The following RNF150 variants were observed in gnomAD, a reference collection of about 807,000 sequenced individuals.
RNF150 encodes the protein ring finger protein 150.
A neutral mutation model predicts 39.3 loss-of-function variants in RNF150; 24 were observed. The observed-to-expected ratio is 0.61, with a 90% CI of 0.44 to 0.86. The LOEUF is 0.86. Among genes scored for constraint, RNF150 ranks in the 40% least tolerant of loss-of-function variants. RNF150 has a pLI of 0.00. For synonymous variants in RNF150, 255 were observed against 227.3 expected (o/e 1.12, Z -1.10); for missense variants, 502 against 587.8 (o/e 0.85, Z 1.51).
intron 1 of RNF150, among the ~76,000 whole-genome samples, chr4:141,194,600 T>C (rs1170440986): frequency 6.6e-6 from 1 of 152,196 alleles, no homozygotes; most frequent in African/African-American, 2.4e-5. Context: ...CTGCAGGCTC[T>C]TTCAGGGTAG....
At chr4:141,103,061 A>C (rs1739070714) in intron 1 of RNF150, among the ~76,000 whole-genome samples, 1 of 152,174 alleles carries the variant, frequency 6.6e-6, no homozygotes, top group African/African-American at 2.4e-5. Flanking sequence ...GTGGTTTGGA[A>C]ATGAAAGCAT....
intron 1 of RNF150, among the ~76,000 whole-genome samples, chr4:141,078,605 C>T (rs1021723113): frequency 2.6e-5 from 4 of 151,058 alleles, no homozygotes; most frequent in Admixed American, 6.6e-5. Flanking sequence ...CATGGTGAAA[C>T]CCCGTCTCTA....
intron 1 of RNF150, among the ~76,000 whole-genome samples, chr4:141,041,272 C>T (rs1283307289): frequency 6.6e-6 from 1 of 152,058 alleles, no homozygotes; most frequent in Non-Finnish European, 1.5e-5. Flanking sequence ...CTTATCTAAA[C>T]AGATAAATCA....
intron 4 of RNF150, among the ~76,000 whole-genome samples, chr4:140,937,807 C>T (rs941546135): frequency 5.3e-5 from 8 of 151,552 alleles, no homozygotes; most frequent in Admixed American, 2.6e-4. Flanking sequence ...AGCAGTGAAA[C>T]CTTGAAAGTT....
chr4:140,870,271 G>T (rs1485761041), intron 6 of RNF150, among the ~76,000 whole-genome samples: 1 of 152,134 alleles, frequency 6.6e-6, no homozygotes, highest in Non-Finnish European at 1.5e-5. Flanking sequence ...ATGGTTAAAT[G>T]AAAACCCTGG....
At chr4:141,181,792 G>A (rs1274391951) in intron 1 of RNF150, among the ~76,000 whole-genome samples, 1 of 152,118 alleles carries the variant, frequency 6.6e-6, no homozygotes, top group Non-Finnish European at 1.5e-5. Context: ...ATGGTAATTG[G>A]GCATAAATGG....
chr4:141,106,748 C>T (rs1373198251), intron 1 of RNF150, among the ~76,000 whole-genome samples: 3 of 151,996 alleles, frequency 2.0e-5, no homozygotes, highest in Admixed American at 1.3e-4. Context: ...GAGCTGACAT[C>T]GTGCCATTGC....
At chr4:140,876,622 A>T (rs1178611298) in intron 6 of RNF150, among the ~76,000 whole-genome samples, 1 of 152,150 alleles carries the variant, frequency 6.6e-6, no homozygotes, top group Non-Finnish European at 1.5e-5. Context: ...TAAATATATC[A>T]CACGTCACCC....
At chr4:141,079,170 T>C (rs1738052167) in intron 1 of RNF150, among the ~76,000 whole-genome samples, 1 of 152,144 alleles carries the variant, frequency 6.6e-6, no homozygotes, top group Non-Finnish European at 1.5e-5. Context: ...GCTGCTGTGA[T>C]GCATTCTTAG....
chr4:141,112,071 ACAT>A (rs1432370808), intron 1 of RNF150, among the ~76,000 whole-genome samples: 3 of 152,176 alleles, frequency 2.0e-5, no homozygotes, highest in Non-Finnish European at 2.9e-5. Flanking sequence ...TTCTCTGAGA[ACAT>A]CATCATTTTT....
At chr4:141,066,627 T>C (rs1343980129) in intron 1 of RNF150, among the ~76,000 whole-genome samples, 4 of 152,232 alleles carry the variant, frequency 2.6e-5, no homozygotes, top group African/African-American at 4.8e-5. Flanking sequence ...AAGCTGACGA[T>C]ATTTCTACAA....
intron 1 of RNF150, among the ~76,000 whole-genome samples, chr4:141,115,885 A>G (rs1739534353): frequency 1.3e-5 from 2 of 152,208 alleles, no homozygotes; most frequent in Admixed American, 1.3e-4. Context: ...AAAACACACA[A>G]TGGGGACAGG....
intron 1 of RNF150, among the ~76,000 whole-genome samples, chr4:141,074,532 T>C (rs1737823284): frequency 6.6e-6 from 1 of 152,038 alleles, no homozygotes; most frequent in Non-Finnish European, 1.5e-5. Flanking sequence ...TTAGCATCAG[T>C]AGGAGGTTCT....
At chr4:140,936,774 T>C (rs902302978) in intron 4 of RNF150, among the ~76,000 whole-genome samples, 1 of 152,184 alleles carries the variant, frequency 6.6e-6, no homozygotes, top group African/African-American at 2.4e-5. Flanking sequence ...CATTTTAACC[T>C]ATCTAAAATT....
chr4:140,888,421 G>T (rs1314373345), intron 6 of RNF150, among the ~76,000 whole-genome samples: 1 of 152,202 alleles, frequency 6.6e-6, no homozygotes, highest in South Asian at 2.1e-4. Flanking sequence ...CAATGGGGCA[G>T]TCATGCATTT....
At chr4:141,033,523 C>A (rs1736029524) in intron 1 of RNF150, among the ~76,000 whole-genome samples, 1 of 152,152 alleles carries the variant, frequency 6.6e-6, no homozygotes, top group South Asian at 2.1e-4. Flanking sequence ...CACAAATATT[C>A]TTAGTGCCTT....
chr4:141,169,990 C>T (rs550424096), intron 1 of RNF150, among the ~76,000 whole-genome samples: 1 of 152,154 alleles, frequency 6.6e-6, no homozygotes, highest in African/African-American at 2.4e-5. Flanking sequence ...TTCGGAAAAG[C>T]ATTTTAGAAA....
intron 5 of RNF150, among the ~76,000 whole-genome samples, chr4:140,915,308 G>A (rs1455306676): frequency 6.6e-6 from 1 of 152,228 alleles, no homozygotes; most frequent in Non-Finnish European, 1.5e-5. Context: ...GTTTCAGTTC[G>A]ATATAGCAAG....
At chr4:141,067,219 T>C (rs1201288895) in intron 1 of RNF150, among the ~76,000 whole-genome samples, 1 of 152,208 alleles carries the variant, frequency 6.6e-6, no homozygotes, top group Non-Finnish European at 1.5e-5. Flanking sequence ...TAATCTGTTG[T>C]TAGAAAACAT....
Sources: gnomAD v4.1 joint callset for allele counts (sites outside exome capture counted in the v4.1 genomes callset) on GRCh38, gnomAD v4.1.1 for gene constraint, MANE v1.5 for transcripts, NCBI Gene and HGNC (gene_info 2026-07-23, HGNC 2026-07-21) for gene names.